Variants in TTLL12 observed in about 807,000 individuals in gnomAD.
TTLL12 encodes the protein tubulin tyrosine ligase like 12.
A neutral mutation model predicts 79.6 loss-of-function variants in TTLL12; 77 were observed. The ratio of observed to expected loss-of-function variants is 0.97; its 90% confidence interval spans 0.81 to 1.17. TTLL12 has a LOEUF of 1.17. TTLL12 is among the 50% of genes most tolerant of loss of function. The pLI, the probability that TTLL12 is intolerant of heterozygous loss-of-function variation, is 0.00. For synonymous variants in TTLL12, 437 were observed against 376.1 expected (o/e 1.16, Z -1.87); for missense variants, 969 against 895.9 (o/e 1.08, Z -1.04).
In TTLL12 at chr22:43,176,304, G is replaced by A. The variant is rs544749354; in HGVS notation, c.917+16C>T. 2.3e-5 allele frequency: 36 copies of A among 1,535,018 alleles called. No homozygotes were observed. Among genetic ancestry groups the A allele is most frequent in the African/African-American group, 2.0e-4 (12 of 60,906 alleles). The stretch of plus-strand genomic sequence containing the variant: ...CGGACAAGTCCCAGCCCAAGCAGTG[G>A]GGGGGGGCTACGCACTTGAAGATGT... On this transcript the variant is annotated intron_variant, in intron 6 of 13. Transcript: ENST00000216129.
rs753718721 is a variant in TTLL12 at position 43,174,276 on chromosome 22, G to A, written c.1162C>T (p.Pro388Ser). Residue 388 changes from proline (P) to serine (S), a missense_variant, in exon 8 of 14, where the codon CCC becomes TCC. Transcript: ENST00000216129. ...AGGPEGPPWL[P>S]RTFNLRTELP... ...TCAGTGCGCAGGTTGAAGGTTCGGG[G>A]CAGCCAGGGTGGGCCCTCGGGGCCA... 3.7e-6 allele frequency: 6 copies of A among 1,610,716 alleles called. No homozygotes were observed. In the East Asian group the frequency reaches 1.3e-4, roughly 36 times the overall value.
chr22:43,180,530 C>T lies in TTLL12; in HGVS notation c.546+212G>A, dbSNP rs192842580. 5.4e-3 allele frequency among the ~76,000 whole-genome samples: 821 copies of T among 152,208 alleles called. 6 individuals carry two copies. The highest frequency in any genetic ancestry group is 0.01 in the Middle Eastern group (3 of 294). ...AAAGAGGCGGCTGAGTCATCTGGGC[C>T]CCTTCAGTTTAGGAGTCTGAGAGGG... On this transcript the variant is annotated intron_variant, in intron 3 of 13. Transcript: ENST00000216129.
In TTLL12 at chr22:43,174,383, G is replaced by A; in HGVS notation, c.1055C>T (p.Pro352Leu). The part of the protein sequence containing the change: ...KDYRKLSQER[P>L]GVLLNQFPCE... ...GGGGAACTGGTTCAGCAGCACGCCT[G>A]GCCTCTCCTGGCTGAGTTTCCTGCA... Residue 352 changes from proline (P) to leucine (L), a missense_variant, in exon 8 of 14, where the codon CCA (proline) becomes CTA (leucine). By Grantham distance (98) the Pro-to-Leu change is moderately conservative. Transcript: ENST00000216129. 6.4e-7 allele frequency: 1 copy of A among 1,566,872 alleles called. No homozygotes were observed. The highest frequency in any genetic ancestry group is 8.7e-7 in the Non-Finnish European group (1 of 1,151,822).
chr22:43,166,961 G>A lies in TTLL12; in HGVS notation c.*1047C>T, dbSNP rs13570. ...GGGCAGTTAGGTCCACCCACTGCCC[G>A]TGAGCTGGGCCCAGGCACACTGCAG... On this transcript the variant is annotated 3_prime_UTR_variant, in exon 14 of 14. Transcript: ENST00000216129. 0.012 allele frequency: 3,819 copies of A among 309,928 alleles called. 154 individuals are homozygous for A. Among genetic ancestry groups the A allele is most frequent in the African/African-American group, 0.078 (3,565 of 45,852 alleles). The allele number at this position is 309,928 out of a possible 1,614,324, so 19.2% of individuals were successfully genotyped here.
intron 6 of TTLL12, among the ~76,000 whole-genome samples, chr22:43,174,957 C>G (rs1023408860): frequency 2.0e-5 from 3 of 152,258 alleles, no homozygotes; most frequent in Non-Finnish European, 4.4e-5. Context: ...GAGGATGAGG[C>G]TGGGGCCACC....
chr22:43,183,235 G>A, intron 1 of TTLL12, 86 bp from the exon 2 acceptor site: 1 of 1,528,444 alleles, frequency 6.5e-7, no homozygotes, highest in South Asian at 1.2e-5. Flanking sequence ...CACCCGAGGT[G>A]CCACACCCAG....
Position 43,176,302 on chromosome 22 carries a change from T to TGGG in TTLL12, c.917+15_917+17dup. On this transcript the variant is annotated intron_variant, in intron 6 of 13. Transcript: ENST00000216129. ...TGCGGACAAGTCCCAGCCCAAGCAGTGGGGGGGGGCTACGCACTTGAAGAT... is the reference window on the plus strand; with the variant it reads ...TGCGGACAAGTCCCAGCCCAAGCAGTGGGGGGGGGGGGCTACGCACTTGAAGAT... 67 of 1,493,840 alleles carry TGGG rather than the reference T, an allele frequency of 4.5e-5. No homozygotes were observed. The highest frequency in any genetic ancestry group is 3.5e-4 in the Middle Eastern group (2 of 5,760). The allele number at this position is 1,493,840 out of a possible 1,614,324, so 92.5% of individuals were successfully genotyped here. A position where few individuals can be genotyped will look rare whatever the true frequency, so the allele number is the denominator to read the frequency against.
chr22:43,186,147 G>A, intron 1 of TTLL12: 1 of 251,244 alleles, frequency 4.0e-6, no homozygotes, highest in African/African-American at 2.4e-5. Flanking sequence ...CCGTCCGGGA[G>A]ACAGCACCTG....
In TTLL12 at chr22:43,174,619, T is replaced by A; in HGVS notation, c.918-4A>T. The A allele has an allele frequency of 6.3e-7, 1 of 1,596,418 alleles. No homozygotes were observed. Among genetic ancestry groups the A allele is most frequent in the Non-Finnish European group, 8.6e-7 (1 of 1,169,134 alleles). ...CTGCTGCACGTCCGTGTAGACCCTGTGGGGAGAGCCCGAGCTGGGTGATCC... is the reference window on the plus strand; with the variant it reads ...CTGCTGCACGTCCGTGTAGACCCTGAGGGGAGAGCCCGAGCTGGGTGATCC... On this transcript the variant is annotated splice_region_variant and splice_polypyrimidine_tract_variant and intron_variant, in intron 6 of 13. Transcript: ENST00000216129.
rs1601779422 is a variant in TTLL12 at position 43,187,053 on chromosome 22, C to A, written c.17G>T (p.Gly6Val). The change falls in exon 1 of 14, where the codon GGT becomes GTT. Residue 6 changes from glycine (G) to valine (V), a missense_variant. Transcript: ENST00000216129. ...ACGCTCCGCAGGCCGGCGCTCGGGA[C>A]CCCGCTCGGCCTCCATGGCGCCAGC... MEAER[G>V]PERRPAERSS... The A allele has an allele frequency of 8.4e-7, 1 of 1,185,948 alleles. No individual in the cohort carries two copies. Among genetic ancestry groups the A allele is most frequent in the Non-Finnish European group, 1.0e-6 (1 of 958,944 alleles). The allele number at this position is 1,185,948 out of a possible 1,614,324, so 73.5% of individuals were successfully genotyped here.
At position 43,179,837 on chromosome 22, in the gene TTLL12, T is replaced by G; in HGVS notation, c.706+4A>C. The G allele has an allele frequency of 6.3e-7, 1 of 1,581,004 alleles. No homozygotes were observed. Among genetic ancestry groups the G allele is most frequent in the Non-Finnish European group, 8.6e-7 (1 of 1,162,016 alleles). Reference sequence around the variant, plus strand: ...CCTCCAGGGCGGGCAGGTGCTGGACTTACCGCCAGTGTCCAGGTCCCTCAG... The same window carrying G: ...CCTCCAGGGCGGGCAGGTGCTGGACGTACCGCCAGTGTCCAGGTCCCTCAG... On this transcript the variant is annotated splice_donor_region_variant and intron_variant, in intron 4 of 13. Transcript: ENST00000216129.
At chr22:43,186,333 A>C (rs1422065647) in intron 1 of TTLL12, among the ~76,000 whole-genome samples, 1 of 152,146 alleles carries the variant, frequency 6.6e-6, no homozygotes, top group African/African-American at 2.4e-5. Flanking sequence ...GTCCTCACAA[A>C]AAGGGAGAGA....
intron 11 of TTLL12, chr22:43,170,300 C>T (rs9623768): frequency 1.3e-5 from 3 of 236,910 alleles, no homozygotes; most frequent in Non-Finnish European, 2.5e-5. Flanking sequence ...AGGGAGTAGG[C>T]TTCAACACAG....
At chr22:43,168,633 C>G (rs1456129427) in intron 13 of TTLL12, 141 bp downstream of exon 13, 1 of 1,257,200 alleles carries the variant, frequency 8.0e-7, no homozygotes, top group Non-Finnish European at 1.1e-6. Context: ...TGGGCCAAGC[C>G]AGGGCTTTCC....
intron 11 of TTLL12, 135 bp downstream of exon 11, chr22:43,171,684 C>T: frequency 1.5e-6 from 1 of 666,500 alleles, no homozygotes; most frequent in Non-Finnish European, 2.6e-6. Context: ...AATCGCCTTC[C>T]ATAGCAGGAA....
At position 43,174,414 on chromosome 22, in the gene TTLL12, G is replaced by C. The variant is rs759813220; in HGVS notation, c.1035-11C>G. On this transcript the variant is annotated splice_polypyrimidine_tract_variant and intron_variant, in intron 7 of 13. Coordinates refer to ENST00000216129, the MANE Select transcript of TTLL12 (RefSeq NM_015140.4). ...TCCTGGCTGAGTTTCCTGCAGGGCGGAGGCAGGTGCGCCAGCTCAAGGGGA... is the reference window on the plus strand; with the variant it reads ...TCCTGGCTGAGTTTCCTGCAGGGCGCAGGCAGGTGCGCCAGCTCAAGGGGA... The C allele has an allele frequency of 6.4e-7, 1 of 1,560,006 alleles. No homozygotes were observed. The highest frequency in any genetic ancestry group is 2.3e-5 in the East Asian group (1 of 44,158).
intron 9 of TTLL12, 44 bp downstream of exon 9, chr22:43,173,671 A>C (rs753986273): frequency 6.4e-7 from 1 of 1,568,874 alleles, no homozygotes; most frequent in African/African-American, 1.4e-5. Flanking sequence ...CTCACTGTCC[A>C]GCCAGGGCCC....
intron 11 of TTLL12, chr22:43,171,517 T>A: frequency 3.6e-6 from 1 of 279,852 alleles, no homozygotes. Flanking sequence ...TGGTGAGGAG[T>A]AAGCCCCGGC....
At chr22:43,168,612 G>A (rs1424944592) in intron 13 of TTLL12, among the ~76,000 whole-genome samples, 162 bp downstream of exon 13, 1 of 152,168 alleles carries the variant, frequency 6.6e-6, no homozygotes, top group Admixed American at 6.5e-5. Flanking sequence ...CTGCACCGCA[G>A]GCACTTCCTG....
Sources: allele counts gnomAD v4.1 joint callset (sites outside exome capture counted in the v4.1 genomes callset), GRCh38; gene constraint gnomAD v4.1.1; transcripts MANE v1.5; gene names NCBI Gene and HGNC (gene_info 2026-07-23, HGNC 2026-07-21).